Variants in IL1RAP observed in about 807,000 individuals in gnomAD.
IL1RAP encodes interleukin-1 receptor accessory protein.
IL1RAP carries 35 observed loss-of-function variants against 60.7 expected under a neutral mutation model. That is an observed-to-expected ratio of 0.58 (90% CI 0.44 to 0.76). The LOEUF (loss-of-function observed/expected upper bound fraction) is 0.76. Ranked by LOEUF, IL1RAP falls within the 30% of genes least tolerant of loss-of-function variation. The pLI is 0.00. For synonymous variants in IL1RAP, 268 were observed against 250.9 expected (o/e 1.07, Z -0.64); for missense variants, 572 against 693.9 (o/e 0.82, Z 1.97).
At chr3:190,619,922 A>G (rs1431274930) in intron 5 of IL1RAP, among the ~76,000 whole-genome samples, 1 of 152,166 alleles carries the variant, frequency 6.6e-6, no homozygotes, top group Non-Finnish European at 1.5e-5. Context: ...TGCTTTCTAA[A>G]TAGCAGGTCT....
At chr3:190,648,054 T>C (rs1734161239) in intron 11 of IL1RAP, among the ~76,000 whole-genome samples, 1 of 152,194 alleles carries the variant, frequency 6.6e-6, no homozygotes, top group Admixed American at 6.5e-5. Flanking sequence ...AGTGTTGTTT[T>C]TGAAGATCAA....
At chr3:190,515,682 A>T (rs1252551214) in intron 1 of IL1RAP, among the ~76,000 whole-genome samples, 3 of 152,108 alleles carry the variant, frequency 2.0e-5, no homozygotes, top group Non-Finnish European at 4.4e-5. Flanking sequence ...TTATTGACAA[A>T]GAGGGTCTTG....
At chr3:190,618,122 C>T (rs1731440433) in intron 5 of IL1RAP, among the ~76,000 whole-genome samples, 1 of 152,130 alleles carries the variant, frequency 6.6e-6, no homozygotes, top group Non-Finnish European at 1.5e-5. Context: ...AGGGATGGCA[C>T]AGGTTCAGGG....
In IL1RAP at chr3:190,619,676, G is replaced by C. The variant is rs931634370; in HGVS notation, c.538-599G>C. ...GAAGACTGAGGTTGCAATGAGCTGA[G>C]ATCACGCCACTGCACTCCAGCCTGG... On this transcript the variant is annotated intron_variant, in intron 5 of 11. Coordinates refer to ENST00000447382, the MANE Select transcript of IL1RAP (RefSeq NM_002182.4). 5.3e-5 allele frequency among the ~76,000 whole-genome samples: 8 copies of C among 150,690 alleles called. 1 individual carries two copies. The highest frequency in any genetic ancestry group is 5.9e-5 in the Non-Finnish European group (4 of 67,882).
rs947547798 is a variant in IL1RAP at position 190,648,949 on chromosome 3, A to C, written c.*244A>C. Reference sequence around the variant, plus strand: ...GCCACTATGTTCTTTGCAGGCAAAGACTTGTTCAATGCGAATTTCCCCTTC... The same window carrying C: ...GCCACTATGTTCTTTGCAGGCAAAGCCTTGTTCAATGCGAATTTCCCCTTC... On this transcript the variant is annotated 3_prime_UTR_variant, in exon 12 of 12. Transcript: ENST00000447382. The C allele has an allele frequency of 1.4e-5, 17 of 1,246,068 alleles. No homozygotes were observed. The highest frequency in any genetic ancestry group is 1.7e-5 in the Non-Finnish European group (17 of 992,910). The allele number at this position is 1,246,068 out of a possible 1,614,324, so 77.2% of individuals were successfully genotyped here.
chr3:190,600,025 C>G (rs954648594), intron 3 of IL1RAP, among the ~76,000 whole-genome samples: 14 of 151,452 alleles, frequency 9.2e-5, no homozygotes, highest in African/African-American at 2.7e-4. Context: ...CTCCAAGTTC[C>G]TTTTACTTTT....
At chr3:190,560,617 C>T (rs777203418) in intron 2 of IL1RAP, among the ~76,000 whole-genome samples, 1 of 152,042 alleles carries the variant, frequency 6.6e-6, no homozygotes, top group Non-Finnish European at 1.5e-5. Flanking sequence ...TGCTGCTGAG[C>T]GGAAGGCAGG....
At chr3:190,587,354 A>C (rs1728552262) in intron 3 of IL1RAP, among the ~76,000 whole-genome samples, 1 of 152,250 alleles carries the variant, frequency 6.6e-6, no homozygotes, top group South Asian at 2.1e-4. Context: ...TATCTGAAAG[A>C]GGCATTATGA....
chr3:190,534,667 T>C (rs780508396), intron 1 of IL1RAP, among the ~76,000 whole-genome samples: 1 of 152,030 alleles, frequency 6.6e-6, no homozygotes, highest in Non-Finnish European at 1.5e-5. Context: ...TGGATACAAA[T>C]GGTATGTTAT....
chr3:190,571,780 C>T (rs1057074362), intron 3 of IL1RAP, among the ~76,000 whole-genome samples: 3 of 152,158 alleles, frequency 2.0e-5, no homozygotes, highest in Non-Finnish European at 2.9e-5. Context: ...AAGCCCAAAA[C>T]GGCCTTGAAT....
chr3:190,553,929 C>T (rs1352777225), intron 1 of IL1RAP, among the ~76,000 whole-genome samples: 2 of 150,750 alleles, frequency 1.3e-5, no homozygotes, highest in South Asian at 4.2e-4. Flanking sequence ...GGCGTAGTGG[C>T]GGGCGCCTGT....
At chr3:190,645,217 G>C (rs1733930168) in intron 10 of IL1RAP, among the ~76,000 whole-genome samples, 1 of 152,212 alleles carries the variant, frequency 6.6e-6, no homozygotes, top group South Asian at 2.1e-4. Flanking sequence ...AATGAGATGT[G>C]ATTTTTCTAA....
At chr3:190,539,128 G>A (rs1347209596) in intron 1 of IL1RAP, among the ~76,000 whole-genome samples, 8 of 152,072 alleles carry the variant, frequency 5.3e-5, no homozygotes, top group Admixed American at 5.2e-4. Flanking sequence ...GAGGATTACA[G>A]CTTTCAGAAA....
chr3:190,585,474 C>A (rs769173671), intron 3 of IL1RAP, among the ~76,000 whole-genome samples: 1 of 152,164 alleles, frequency 6.6e-6, no homozygotes, highest in South Asian at 2.1e-4. Flanking sequence ...CACAAGTATA[C>A]TGCCCAGCCT....
At chr3:190,596,722 A>G (rs1052139763) in intron 3 of IL1RAP, among the ~76,000 whole-genome samples, 14 of 152,182 alleles carry the variant, frequency 9.2e-5, no homozygotes, top group African/African-American at 2.9e-4. Context: ...ATAAACAAAA[A>G]AGGAATTCTT....
chr3:190,588,263 G>A (rs888307534), intron 3 of IL1RAP, among the ~76,000 whole-genome samples: 12 of 152,224 alleles, frequency 7.9e-5, no homozygotes, highest in East Asian at 1.9e-4. Context: ...ACAGGCATGC[G>A]CCACCACGCC....
chr3:190,562,914 C>G (rs534809498), intron 2 of IL1RAP, among the ~76,000 whole-genome samples: 15 of 152,070 alleles, frequency 9.9e-5, no homozygotes, highest in Admixed American at 9.8e-4. Flanking sequence ...TTTAATTTAT[C>G]AGATGAAACA....
intron 9 of IL1RAP, among the ~76,000 whole-genome samples, chr3:190,632,910 A>T (rs992257717): frequency 2.0e-5 from 3 of 152,176 alleles, no homozygotes; most frequent in Admixed American, 2.0e-4. Context: ...ATGAATATAG[A>T]TCTATTTCTG....
At chr3:190,629,246 C>T (rs1200714276) in intron 8 of IL1RAP, 104 bp from the exon 9 acceptor site, 1 of 747,410 alleles carries the variant, frequency 1.3e-6, no homozygotes, top group Non-Finnish European at 2.2e-6. Flanking sequence ...TCCTCGCCCT[C>T]ACCTGTAGTG....
Sources: gnomAD v4.1 joint callset for allele counts (sites outside exome capture counted in the v4.1 genomes callset) on GRCh38, gnomAD v4.1.1 for gene constraint, MANE v1.5 for transcripts, NCBI Gene and HGNC (gene_info 2026-07-23, HGNC 2026-07-21) for gene names.